RBFOX1: variants seen among roughly 807,000 people sequenced by gnomAD.
RBFOX1 encodes RNA binding fox-1 homolog 1.
RBFOX1 carries 8 observed loss-of-function variants against 57.7 expected under a neutral mutation model. That is an observed-to-expected ratio of 0.14 (90% CI 0.08 to 0.25). RBFOX1 has a LOEUF of 0.25. Among genes scored for constraint, RBFOX1 ranks in the 10% least tolerant of loss-of-function variants. RBFOX1 has a pLI of 1.00. For missense variants in RBFOX1, 611 were observed against 548.5 expected (o/e 1.11, Z -1.14); for synonymous variants, 326 against 222.4 (o/e 1.47, Z -4.15).
chr16:7,000,849 G>C (rs1048565149), intron 3 of RBFOX1, among the ~76,000 whole-genome samples: 2 of 151,948 alleles, frequency 1.3e-5, no homozygotes, highest in East Asian at 1.9e-4. Flanking sequence ...TGATCCGCCC[G>C]CCTCGGCCTC....
chr16:6,035,066 C>G (rs1411588965), intron 1 of RBFOX1, among the ~76,000 whole-genome samples: 1 of 152,174 alleles, frequency 6.6e-6, no homozygotes, highest in African/African-American at 2.4e-5. Context: ...GTCCTGTACA[C>G]TGTAGGATGT....
intron 1 of RBFOX1, among the ~76,000 whole-genome samples, chr16:6,049,254 G>C (rs1178014571): frequency 6.6e-6 from 1 of 151,468 alleles, no homozygotes; most frequent in Admixed American, 6.6e-5. Context: ...AGTAGAGATG[G>C]GGTTTCACCA....
chr16:6,478,985 A>T (rs1470738886), intron 2 of RBFOX1, among the ~76,000 whole-genome samples: 1 of 152,252 alleles, frequency 6.6e-6, no homozygotes, highest in South Asian at 2.1e-4. Context: ...AAGTGGCACC[A>T]ATAGACTTGC....
At chr16:6,990,377 T>C (rs1208062802) in intron 3 of RBFOX1, among the ~76,000 whole-genome samples, 1 of 151,996 alleles carries the variant, frequency 6.6e-6, no homozygotes, top group East Asian at 1.9e-4. Context: ...ATACAAAAGT[T>C]AGCCGGTAGT....
intron 1 of RBFOX1, among the ~76,000 whole-genome samples, chr16:5,253,500 A>T (rs1189169410): frequency 6.6e-6 from 1 of 151,776 alleles, no homozygotes; most frequent in Admixed American, 6.6e-5. Flanking sequence ...AGCATCTAGG[A>T]CTCTGTCCTG....
rs894098567 is a variant in RBFOX1 at position 5,947,786 on chromosome 16, C to T, written c.351+80451C>T. Reference sequence around the variant, plus strand: ...ACCTAACAGTGCAAGGATACAGCTGCCCTTGGTATTCTTCATGGTGATAAT... The same window carrying T: ...ACCTAACAGTGCAAGGATACAGCTGTCCTTGGTATTCTTCATGGTGATAAT... On this transcript the variant is annotated intron_variant, in intron 4 of 19. Transcript: ENST00000641259. The surrounding 1 kb of genome is among the most constrained non-coding windows in gnomAD (Gnocchi z 7.2). Among the ~76,000 whole-genome samples, 1 of 152,144 alleles carries T rather than the reference C, an allele frequency of 6.6e-6. No homozygotes were observed. The highest frequency in any genetic ancestry group is 6.5e-5 in the Admixed American group (1 of 15,272).
intron 11 of RBFOX1, among the ~76,000 whole-genome samples, chr16:7,653,392 G>A (rs541483424): frequency 1.4e-3 from 218 of 152,244 alleles, no homozygotes; most frequent in Non-Finnish European, 2.7e-3. Context: ...TATGGTCCCA[G>A]CTACTTGGGA....
chr16:6,988,567 A>ATTTT lies in RBFOX1; in HGVS notation c.-15-63490_-15-63489insTTTT, dbSNP rs1307828977. The stretch of plus-strand genomic sequence containing the variant: ...TTTTTATTTTAATTTAACTTTATTT[A>ATTTT]ATTTTATTTTATTTTATTTATTTGG... On this transcript the variant is annotated intron_variant, in intron 3 of 15. Transcript: ENST00000550418. Among the ~76,000 whole-genome samples, 95 of 148,930 alleles carry ATTTT rather than the reference A, an allele frequency of 6.4e-4. 1 individual carries two copies. The highest frequency in any genetic ancestry group is 1.6e-3 in the East Asian group (8 of 5,068).
At chr16:6,125,828 T>C (rs1226023973) in intron 1 of RBFOX1, among the ~76,000 whole-genome samples, 1 of 152,148 alleles carries the variant, frequency 6.6e-6, no homozygotes, top group Non-Finnish European at 1.5e-5. Flanking sequence ...TCCCATTGTA[T>C]TGTGAGATGT....
chr16:6,410,692 C>T (rs966123715), intron 2 of RBFOX1, among the ~76,000 whole-genome samples: 1 of 152,144 alleles, frequency 6.6e-6, no homozygotes, highest in Non-Finnish European at 1.5e-5. Flanking sequence ...CTGGTGGGTG[C>T]ACGTTGAATC....
chr16:6,111,321 G>A (rs1451707142), intron 1 of RBFOX1, among the ~76,000 whole-genome samples: 2 of 152,114 alleles, frequency 1.3e-5, no homozygotes, highest in East Asian at 3.9e-4. Context: ...GACTCAATCA[G>A]CTATCTTGTT....
intron 2 of RBFOX1, among the ~76,000 whole-genome samples, chr16:5,581,164 C>CGT: frequency 6.6e-6 from 1 of 151,522 alleles, no homozygotes; most frequent in East Asian, 1.9e-4. Context: ...CTCCTATGTG[C>CGT]ATTTTTTTTT....
rs565121800 is a variant in RBFOX1, at chr16:6,112,073, C to G, written c.-127+92081C>G. Among the ~76,000 whole-genome samples, 5 of 152,250 alleles carry G rather than the reference C, an allele frequency of 3.3e-5. No homozygotes were observed. In the South Asian group the frequency reaches 1.0e-3, roughly 32 times the overall value. On this transcript the variant is annotated intron_variant, in intron 1 of 15. Coordinates refer to ENST00000550418, the MANE Select transcript of RBFOX1 (RefSeq NM_018723.4). ...TGAATGAAGTATTTCACATGAAACA[C>G]TTGGCCCAGTGTAAGAGTGGTTTGG...
At chr16:5,583,036 G>A (rs532897011) in intron 2 of RBFOX1, among the ~76,000 whole-genome samples, 1 of 152,254 alleles carries the variant, frequency 6.6e-6, no homozygotes, top group Admixed American at 6.5e-5. Context: ...GGAAACTAAG[G>A]CACAGAAAGG....
intron 3 of RBFOX1, among the ~76,000 whole-genome samples, chr16:5,695,806 G>C (rs908179453): frequency 3.9e-5 from 6 of 152,106 alleles, no homozygotes; most frequent in African/African-American, 9.7e-5. Flanking sequence ...CTCTTCTAAA[G>C]GAAAGGAGGT....
intron 2 of RBFOX1, among the ~76,000 whole-genome samples, chr16:6,503,750 G>A (rs1207937019): frequency 6.6e-6 from 1 of 152,128 alleles, no homozygotes; most frequent in Non-Finnish European, 1.5e-5. Flanking sequence ...AAGACACACA[G>A]CCAATCCCAG....
At chr16:5,602,809 TGTA>T (rs2047409737), downstream of RBFOX1, among the ~76,000 whole-genome samples, 1 of 152,134 alleles carries the variant, frequency 6.6e-6, no homozygotes. Context: ...GTAGTAATAA[TGTA>T]GTTGTAATAA....
At chr16:6,776,599 C>G (rs13332375) in intron 3 of RBFOX1, among the ~76,000 whole-genome samples, 5,514 of 152,134 alleles carry the variant, frequency 0.036, 333 homozygotes, top group African/African-American at 0.13. Context: ...CATTTGGAGC[C>G]TCTCTATGTG....
chr16:6,413,319 C>CAAAA (rs34475437), intron 2 of RBFOX1, among the ~76,000 whole-genome samples: 1 of 114,394 alleles, frequency 8.7e-6, no homozygotes. Context: ...AACTACATCT[C>CAAAA]AAAAAAAAAA....
Sources: allele counts gnomAD v4.1 joint callset (sites outside exome capture counted in the v4.1 genomes callset), GRCh38; gene constraint gnomAD v4.1.1; non-coding constraint Gnocchi (gnomAD v3.1); transcripts MANE v1.5; gene names NCBI Gene and HGNC (gene_info 2026-07-23, HGNC 2026-07-21).